Variants in OVCH1 observed in about 807,000 individuals in gnomAD.
OVCH1 encodes ovochymase-1.
Under a neutral mutation model 138.4 loss-of-function variants are expected in OVCH1, and 139 were observed. The ratio of observed to expected loss-of-function variants is 1.00; its 90% CI spans 0.87 to 1.16. The LOEUF (loss-of-function observed/expected upper bound fraction) is 1.16, where lower values mean the gene tolerates loss of function less well. Ranked by LOEUF, OVCH1 falls within the 50% of genes most tolerant of loss-of-function variation. OVCH1 has a pLI of 0.00. For missense variants in OVCH1, 1,367 were observed against 1,357.9 expected (o/e 1.01, Z -0.11); for synonymous variants, 453 against 467.8 (o/e 0.97, Z 0.41).
downstream of OVCH1, among the ~76,000 whole-genome samples, chr12:29,411,778 G>A: frequency 6.6e-6 from 1 of 151,814 alleles, no homozygotes; most frequent in Non-Finnish European, 1.5e-5. Context: ...TGAGGAGGCA[G>A]TCTGCCTGTT....
downstream of OVCH1, chr12:29,425,775 T>C (rs919117688): frequency 2.0e-5 from 3 of 152,178 alleles, no homozygotes; most frequent in Non-Finnish European, 4.4e-5. Context: ...TAATAAGTTA[T>C]TAGATAATAT....
intron 17 of OVCH1, among the ~76,000 whole-genome samples, 166 bp downstream of exon 17, chr12:29,464,981 G>C (rs181633670): frequency 5.0e-4 from 76 of 152,236 alleles, no homozygotes; most frequent in Non-Finnish European, 9.4e-4. Flanking sequence ...CAATTCTCAA[G>C]TGAAAATGTA....
At chr12:29,450,747 C>G (rs1030125476) in intron 22 of OVCH1, among the ~76,000 whole-genome samples, 2 of 152,088 alleles carry the variant, frequency 1.3e-5, no homozygotes, top group East Asian at 1.9e-4. Flanking sequence ...TTCACAATAG[C>G]AAACACTTGG....
rs1943220431 is a variant in OVCH1 at position 29,489,646 on chromosome 12, G to T, written c.676C>A (p.Pro226Thr). Residue 226 changes from proline (P) to threonine (T), a missense_variant, in exon 6 of 28, where the codon CCT becomes ACT. By Grantham distance (38) the Pro-to-Thr change is conservative. Transcript: ENST00000318184. ...TGGCAGGCGTCCATTCCCCAATCAGGGAAGCCAGCACACAGCATGGTCCTT... is the reference window on the plus strand; with the variant it reads ...TGGCAGGCGTCCATTCCCCAATCAGTGAAGCCAGCACACAGCATGGTCCTT... The T allele has an allele frequency of 2.5e-6, 4 of 1,608,128 alleles. No homozygotes were observed. In the East Asian group the frequency reaches 8.9e-5, roughly 36 times the overall value.
At chr12:29,426,636 T>C (rs1291771983), downstream of OVCH1, among the ~76,000 whole-genome samples, 1 of 152,176 alleles carries the variant, frequency 6.6e-6, no homozygotes, top group Non-Finnish European at 1.5e-5. Context: ...TTCTCCAGTG[T>C]CTCACATCAT....
chr12:29,489,872 A>G (rs1943228846), intron 5 of OVCH1, 101 bp from the exon 6 acceptor site: 1 of 1,264,638 alleles, frequency 7.9e-7, no homozygotes, highest in African/African-American at 1.5e-5. Context: ...ATTTTTAACC[A>G]CATGTAGAAG....
chr12:29,440,504 T>C (rs1045772527), intron 25 of OVCH1: 2 of 296,256 alleles, frequency 6.8e-6, no homozygotes, highest in East Asian at 2.0e-4. Flanking sequence ...TCATAATAGA[T>C]ATTTCTAATC....
the OVCH1 span, among the ~76,000 whole-genome samples, chr12:29,405,844 C>T: frequency 6.6e-6 from 1 of 152,138 alleles, no homozygotes; most frequent in African/African-American, 2.4e-5. Flanking sequence ...CTTGACTTTG[C>T]CGAATAAACA....
chr12:29,497,085 T>A (rs1157886509), intron 1 of OVCH1, among the ~76,000 whole-genome samples: 1 of 152,096 alleles, frequency 6.6e-6, no homozygotes, highest in Non-Finnish European at 1.5e-5. Context: ...ATGGGCAACA[T>A]GACAAGACCC....
chr12:29,479,197 A>C (rs1942844417), intron 8 of OVCH1, among the ~76,000 whole-genome samples: 1 of 152,198 alleles, frequency 6.6e-6, no homozygotes, highest in Admixed American at 6.5e-5. Flanking sequence ...CCACCCCTTA[A>C]ATTTCATTTA....
intron 23 of OVCH1, among the ~76,000 whole-genome samples, 170 bp downstream of exon 23, chr12:29,445,108 G>C: frequency 6.6e-6 from 1 of 151,932 alleles, no homozygotes; most frequent in East Asian, 1.9e-4. Context: ...TTCCCTTTTG[G>C]ACCTGATCAA....
intron 26 of OVCH1, among the ~76,000 whole-genome samples, chr12:29,436,823 C>T (rs1298414644): frequency 4.6e-5 from 7 of 151,810 alleles, no homozygotes; most frequent in South Asian, 4.1e-4. Flanking sequence ...GTGAGTGTTA[C>T]AGCTCATAGA....
At chr12:29,470,576 C>T (rs1260391821) in intron 16 of OVCH1, among the ~76,000 whole-genome samples, 1 of 152,084 alleles carries the variant, frequency 6.6e-6, no homozygotes, top group East Asian at 1.9e-4. Flanking sequence ...GCATAGTATT[C>T]CATGGTATAT....
intron 17 of OVCH1, 101 bp from the exon 18 acceptor site, chr12:29,464,803 C>G: frequency 1.0e-6 from 1 of 996,570 alleles, no homozygotes; most frequent in Non-Finnish European, 1.5e-6. Context: ...TCTGCACTTA[C>G]ATACATAAAC....
At chr12:29,495,190 A>G in intron 4 of OVCH1, 95 bp downstream of exon 4, 1 of 1,196,232 alleles carries the variant, frequency 8.4e-7, no homozygotes, top group South Asian at 1.5e-5. Context: ...TAGCTATTCT[A>G]TTACTAGACA....
the OVCH1 span, among the ~76,000 whole-genome samples, chr12:29,403,031 A>G: frequency 4.6e-5 from 7 of 152,210 alleles, no homozygotes; most frequent in Non-Finnish European, 7.4e-5. Context: ...TACAGACAGA[A>G]ATATTTGGGA....
At chr12:29,414,619 C>G (rs56008322) in intron 3 of OVCH1, among the ~76,000 whole-genome samples, 1 of 152,154 alleles carries the variant, frequency 6.6e-6, no homozygotes, top group East Asian at 1.9e-4. Flanking sequence ...TATCAACTTA[C>G]AGTCCACCCA....
In OVCH1 at chr12:29,455,555, C is replaced by G. The variant is rs1174768231; in HGVS notation, c.2281-150G>C. 4 of 934,322 alleles carry G rather than the reference C, an allele frequency of 4.3e-6. No homozygotes were observed. The African/African-American group carries it at 6.8e-5, about 16-fold the overall frequency. 57.9% of individuals were successfully genotyped at this position (934,322 alleles called of 1,614,324 possible). On this transcript the variant is annotated intron_variant, in intron 19 of 27. Transcript: ENST00000318184. ...GTCAATTTCCATCTTTACATACTAT[C>G]TATTCACTGTTTTGCAAAAGGAAAC...
At chr12:29,465,697 G>T (rs1384804055) in intron 16 of OVCH1, among the ~76,000 whole-genome samples, 1 of 152,082 alleles carries the variant, frequency 6.6e-6, no homozygotes, top group African/African-American at 2.4e-5. Context: ...CATGTATCCT[G>T]CCCCTTTCTT....
Sources: allele counts gnomAD v4.1 joint callset (sites outside exome capture counted in the v4.1 genomes callset), GRCh38; gene constraint gnomAD v4.1.1; transcripts MANE v1.5; gene names NCBI Gene and HGNC (gene_info 2026-07-23, HGNC 2026-07-21).